PPIL1: variants seen among roughly 807,000 people sequenced by gnomAD.
PPIL1 encodes the protein peptidyl-prolyl cis-trans isomerase-like 1.
Under a neutral mutation model 19.4 loss-of-function variants are expected in PPIL1, and 14 were observed. The ratio of observed to expected loss-of-function variants is 0.72; its 90% CI spans 0.48 to 1.13. The LOEUF (loss-of-function observed/expected upper bound fraction) is 1.13, where lower values mean the gene tolerates loss of function less well. PPIL1 is among the 50% of genes most tolerant of loss of function. The pLI, the probability that PPIL1 is intolerant of heterozygous loss-of-function variation, is 0.00. For synonymous variants in PPIL1, 72 were observed against 73.6 expected, an observed-to-expected ratio of 0.98 and a Z score of 0.11; for missense variants, 192 against 218.0, an observed-to-expected ratio of 0.88 and a Z score of 0.75.
chr6:36,870,377 C>CTGGG (rs1446737600), intron 2 of PPIL1, among the ~76,000 whole-genome samples: 2 of 152,134 alleles, frequency 1.3e-5, no homozygotes, highest in Non-Finnish European at 2.9e-5. Context: ...TTTCCCTGAA[C>CTGGG]CCCATATTCC....
At chr6:36,869,755 G>A (rs1215361930) in intron 2 of PPIL1, among the ~76,000 whole-genome samples, 1 of 152,156 alleles carries the variant, frequency 6.6e-6, no homozygotes, top group African/African-American at 2.4e-5. Context: ...TAAGGTCGGG[G>A]AAAAATAAGA....
chr6:36,855,836 T>C lies in PPIL1; in HGVS notation c.478A>G (p.Ile160Val), dbSNP rs750489208. ...QDRPVDDVKI[I>V]KAYPSG ...GTCTACCCAGAAGGGTATGCCTTAA[T>C]GATCTTCACGTCGTCCACAGGGCGG... is the stretch of plus-strand genomic sequence containing the variant. Residue 160 changes from isoleucine (I) to valine (V), a missense_variant, in exon 4 of 4, where the codon ATT (isoleucine) becomes GTT (valine). Physicochemically the swap from Ile to Val is conservative, Grantham distance 29 (BLOSUM62 3). Coordinates refer to ENST00000373699, the MANE Select transcript of PPIL1 (RefSeq NM_016059.5). The C allele has an allele frequency of 1.9e-6, 3 of 1,614,196 alleles. No homozygotes were observed. The highest frequency in any genetic ancestry group is 2.5e-6 in the Non-Finnish European group (3 of 1,180,020).
At chr6:36,868,069 C>A (rs1774429451) in intron 2 of PPIL1, among the ~76,000 whole-genome samples, 1 of 152,128 alleles carries the variant, frequency 6.6e-6, no homozygotes, top group Admixed American at 6.5e-5. Context: ...GGAACTCAGC[C>A]TGGGAGAAAG....
chr6:36,865,581 A>G (rs990065961), intron 2 of PPIL1, among the ~76,000 whole-genome samples: 1 of 152,056 alleles, frequency 6.6e-6, no homozygotes, highest in African/African-American at 2.4e-5. Context: ...TTCTTCCTAA[A>G]TTCAAAATGC....
At chr6:36,862,127 T>TGA (rs1285360038) in intron 2 of PPIL1, among the ~76,000 whole-genome samples, 1 of 152,226 alleles carries the variant, frequency 6.6e-6, no homozygotes, top group East Asian at 1.9e-4. Flanking sequence ...GGACATGCAG[T>TGA]GTCTTACACC....
chr6:36,871,673 GA>G (rs920976345), intron 2 of PPIL1, 44 bp downstream of exon 2: 2 of 1,549,056 alleles, frequency 1.3e-6, no homozygotes, highest in African/African-American at 2.8e-5. Flanking sequence ...AGACGAAAAG[GA>G]GAAAAAAAAA....
Position 36,871,918 on chromosome 6 carries a change from G to A in PPIL1, c.57-46C>T, listed in dbSNP as rs529480697. 3.7e-5 allele frequency: 55 copies of A among 1,496,170 alleles called. 1 individual carries two copies. The South Asian group carries it at 6.9e-4, about 19-fold the overall frequency. 92.7% of individuals were successfully genotyped at this position (1,496,170 alleles called of 1,614,324 possible). A position where few individuals can be genotyped will look rare whatever the true frequency, so the allele number is the denominator to read the frequency against. On this transcript the variant is annotated intron_variant, in intron 1 of 3. Coordinates refer to ENST00000373699, the MANE Select transcript of PPIL1 (RefSeq NM_016059.5). The stretch of plus-strand genomic sequence containing the variant: ...AGCTCCAGTAAACAAAAAGGTCAGG[G>A]CAGACAGGAGTATTATGGAACTGCT...
At chr6:36,864,463 T>C (rs1361418652) in intron 2 of PPIL1, among the ~76,000 whole-genome samples, 1 of 152,174 alleles carries the variant, frequency 6.6e-6, no homozygotes. Context: ...TTGGCCTGGA[T>C]GGTCTCATGG....
At chr6:36,862,179 C>T (rs1456912246) in intron 2 of PPIL1, among the ~76,000 whole-genome samples, 1 of 151,306 alleles carries the variant, frequency 6.6e-6, no homozygotes, top group Non-Finnish European at 1.5e-5. Flanking sequence ...GCCCCTCCCA[C>T]CCCACAGTTG....
At chr6:36,856,073 C>T in intron 3 of PPIL1, 40 bp from the exon 4 acceptor site, 3 of 1,577,818 alleles carry the variant, frequency 1.9e-6, no homozygotes, top group Non-Finnish European at 2.6e-6. Flanking sequence ...TATAAATAAC[C>T]CCACAGGTCC....
intron 2 of PPIL1, among the ~76,000 whole-genome samples, chr6:36,864,603 C>G (rs1233339704): frequency 6.6e-6 from 1 of 152,188 alleles, no homozygotes; most frequent in Non-Finnish European, 1.5e-5. Context: ...ATTTTGACCC[C>G]TGGCGACAGT....
rs117093147 is a variant in PPIL1 at position 36,870,913 on chromosome 6, C to T, written c.211+805G>A. The stretch of plus-strand genomic sequence containing the variant: ...TGCTGGGATTACAGGCGTGAGCCAC[C>T]GTGCCCAGCCTAGAGTGATCCTTTT... On this transcript the variant is annotated intron_variant, in intron 2 of 3. Coordinates refer to ENST00000373699, the MANE Select transcript of PPIL1 (RefSeq NM_016059.5). Among the ~76,000 whole-genome samples the T allele has an allele frequency of 0.023, 3,509 of 152,256 alleles. 230 individuals are homozygous for T. The East Asian group carries it at 0.26, about 11-fold the overall frequency.
intron 2 of PPIL1, among the ~76,000 whole-genome samples, chr6:36,858,012 G>T (rs527252646): frequency 1.3e-5 from 2 of 152,016 alleles, no homozygotes; most frequent in African/African-American, 4.8e-5. Flanking sequence ...GGTGGATCAC[G>T]AGGTCATGAG....
chr6:36,873,774 G>C (rs1162902765), intron 1 of PPIL1, among the ~76,000 whole-genome samples: 1 of 152,148 alleles, frequency 6.6e-6, no homozygotes, highest in Admixed American at 6.5e-5. Flanking sequence ...AGCAGCAATG[G>C]GCAAGAACAG....
At chr6:36,856,679 G>A (rs183778902) in intron 2 of PPIL1, 25 bp from the exon 3 acceptor site, 614 of 1,602,622 alleles carry the variant, frequency 3.8e-4, no homozygotes, top group African/African-American at 3.2e-3. Flanking sequence ...GATGACACAT[G>A]AATCAGCCAG....
chr6:36,855,692 G>A lies in PPIL1; in HGVS notation c.*121C>T. The A allele has an allele frequency of 1.1e-6, 1 of 939,492 alleles. No individual in the cohort carries two copies. Among genetic ancestry groups the A allele is most frequent in the Non-Finnish European group, 1.6e-6 (1 of 609,770 alleles). The allele number at this position is 939,492 out of a possible 1,614,324, so 58.2% of individuals were successfully genotyped here. A position where few individuals can be genotyped will look rare whatever the true frequency, so the allele number is the denominator to read the frequency against. On this transcript the variant is annotated 3_prime_UTR_variant, in exon 4 of 4. Coordinates refer to ENST00000373699, the MANE Select transcript of PPIL1 (RefSeq NM_016059.5). ...ATCTCTAACTCACCCAAGATGCCAG[G>A]CCTCCTAAGCTTCATGACTTGCAAA...
chr6:36,868,128 AAATAT>A (rs998752504), intron 2 of PPIL1, among the ~76,000 whole-genome samples: 55 of 152,320 alleles, frequency 3.6e-4, no homozygotes, highest in Middle Eastern at 3.4e-3. Flanking sequence ...AGAGAAGTAA[AAATAT>A]AATATAACAA....
At position 36,855,753 on chromosome 6, in the gene PPIL1, T is replaced by C; in HGVS notation, c.*60A>G. On this transcript the variant is annotated 3_prime_UTR_variant, in exon 4 of 4. Transcript: ENST00000373699. ...ATTTAGCATTACATGTCATTCTATG[T>C]CATCTAGAAGCTGGTTCACTGGGGC... 6.5e-7 allele frequency: 1 copy of C among 1,536,056 alleles called. No individual in the cohort carries two copies. Among genetic ancestry groups the C allele is most frequent in the East Asian group, 2.3e-5 (1 of 44,326 alleles).
At chr6:36,868,264 A>G (rs1774433434) in intron 2 of PPIL1, among the ~76,000 whole-genome samples, 1 of 152,198 alleles carries the variant, frequency 6.6e-6, no homozygotes, top group African/African-American at 2.4e-5. Flanking sequence ...GCAGTAAAGA[A>G]CAGAATAAAA....
Sources: gnomAD v4.1 joint callset for allele counts (sites outside exome capture counted in the v4.1 genomes callset) on GRCh38, gnomAD v4.1.1 for gene constraint, MANE v1.5 for transcripts, NCBI Gene and HGNC (gene_info 2026-07-23, HGNC 2026-07-21) for gene names.